GNG12: variants seen among roughly 807,000 people sequenced by gnomAD.
GNG12 encodes the protein guanine nucleotide-binding protein G(I)/G(S)/G(O) subunit gamma-12.
For synonymous variants in GNG12, 28 were observed against 29.7 expected, an observed-to-expected ratio of 0.94 and a Z score of 0.19; for missense variants, 69 against 83.8, an observed-to-expected ratio of 0.82 and a Z score of 0.69.
intron 2 of GNG12, among the ~76,000 whole-genome samples, chr1:67,749,532 C>G (rs1646526546): frequency 6.6e-6 from 1 of 152,158 alleles, no homozygotes; most frequent in Admixed American, 6.5e-5. Flanking sequence ...CAGTGCTTCT[C>G]AAAGCTAAAA....
chr1:67,714,174 A>T (rs1646311689), intron 2 of GNG12, among the ~76,000 whole-genome samples: 1 of 152,162 alleles, frequency 6.6e-6, no homozygotes, highest in Admixed American at 6.5e-5. Context: ...TTTAAAAGGA[A>T]GACTTCTGGA....
chr1:67,759,780 C>T (rs955739055), intron 2 of GNG12, among the ~76,000 whole-genome samples: 13 of 144,436 alleles, frequency 9.0e-5, no homozygotes, highest in East Asian at 7.8e-4. Context: ...TCAGTGAAGG[C>T]CATTTTTCAA....
intron 2 of GNG12, among the ~76,000 whole-genome samples, chr1:67,730,226 GTGGTGAC>G (rs1646410983): frequency 2.0e-5 from 3 of 152,222 alleles, no homozygotes; most frequent in Non-Finnish European, 2.9e-5. Context: ...GAGACTGGGT[GTGGTGAC>G]TTACGCCTGT....
At chr1:67,778,588 C>T (rs886266915) in intron 1 of GNG12, among the ~76,000 whole-genome samples, 7 of 152,094 alleles carry the variant, frequency 4.6e-5, no homozygotes, top group African/African-American at 1.7e-4. Context: ...TCTTGGCATG[C>T]CCCCATCTTA....
intron 1 of GNG12, among the ~76,000 whole-genome samples, chr1:67,821,455 C>T (rs1646984250): frequency 1.3e-5 from 2 of 152,184 alleles, no homozygotes; most frequent in Admixed American, 6.5e-5. Flanking sequence ...GAGGATGCCT[C>T]CCAGCTAAGA....
Position 67,721,340 on chromosome 1 carries a change from C to T in GNG12, c.-26-13628G>A, listed in dbSNP as rs1009969818. Among the ~76,000 whole-genome samples, 5 of 152,304 alleles carry T rather than the reference C, an allele frequency of 3.3e-5. No homozygotes were observed. The East Asian group carries it at 5.8e-4, about 18-fold the overall frequency. The stretch of plus-strand genomic sequence containing the variant: ...AGTCCGCTACAGCTATGGTTCTAAA[C>T]GCGTGGTCACACCAGCCAGCAGCAT... On this transcript the variant is annotated intron_variant, in intron 2 of 3. Coordinates refer to ENST00000370982, the MANE Select transcript of GNG12 (RefSeq NM_018841.6).
intron 2 of GNG12, among the ~76,000 whole-genome samples, chr1:67,746,168 GT>G (rs148918782): frequency 0.012 from 1,762 of 152,232 alleles, 37 homozygotes; most frequent in African/African-American, 0.04. Flanking sequence ...CTATAAAGTT[GT>G]TAAATTAACA....
At chr1:67,737,323 TTAA>T (rs1646457653) in intron 2 of GNG12, among the ~76,000 whole-genome samples, 1 of 152,176 alleles carries the variant, frequency 6.6e-6, no homozygotes, top group South Asian at 2.1e-4. Context: ...AAATAAATCA[TTAA>T]TATAATTCCA....
rs569752365 is a variant in GNG12, at chr1:67,812,549, A to T, written c.-77+20795T>A. Among the ~76,000 whole-genome samples, 7 of 152,244 alleles carry T rather than the reference A, an allele frequency of 4.6e-5. No individual in the cohort carries two copies. In the South Asian group the frequency reaches 1.5e-3, roughly 32 times the overall value. ...CAGAGGAGCTAACTTTCATCTTGAGAGGTAGGAGGGGAGGAGATAAGACTT... is the reference window on the plus strand; with the variant it reads ...CAGAGGAGCTAACTTTCATCTTGAGTGGTAGGAGGGGAGGAGATAAGACTT... On this transcript the variant is annotated intron_variant, in intron 1 of 3. Transcript: ENST00000370982.
chr1:67,761,615 G>A (rs542002003), intron 2 of GNG12, among the ~76,000 whole-genome samples: 1 of 152,280 alleles, frequency 6.6e-6, no homozygotes, highest in East Asian at 1.9e-4. Context: ...AGCCTGCAAG[G>A]TCAAGTGCAG....
At chr1:67,705,706 A>G (rs2100664504) in intron 3 of GNG12, 130 bp from the exon 4 acceptor site, 1 of 1,374,704 alleles carries the variant, frequency 7.3e-7, no homozygotes, top group East Asian at 2.7e-5. Flanking sequence ...TCAAAGCATC[A>G]CTCTCAGATT....
chr1:67,808,578 A>G (rs1254029202), intron 1 of GNG12, among the ~76,000 whole-genome samples: 1 of 152,138 alleles, frequency 6.6e-6, no homozygotes, highest in Non-Finnish European at 1.5e-5. Context: ...AGATTCCTGG[A>G]ACTAGTGAGA....
intron 2 of GNG12, among the ~76,000 whole-genome samples, chr1:67,732,144 T>G (rs911712739): frequency 2.0e-5 from 3 of 152,206 alleles, no homozygotes; most frequent in African/African-American, 7.2e-5. Context: ...TGTTCACTAT[T>G]CTGAATGACA....
intron 1 of GNG12, among the ~76,000 whole-genome samples, chr1:67,817,232 G>A (rs1646958122): frequency 1.3e-5 from 2 of 152,202 alleles, no homozygotes; most frequent in African/African-American, 4.8e-5. Context: ...GTCCAGAGAT[G>A]GGGGAGAGAA....
chr1:67,789,664 A>T lies in GNG12; in HGVS notation c.-76-12157T>A, dbSNP rs902578325. Among the ~76,000 whole-genome samples the T allele has an allele frequency of 5.9e-5, 9 of 152,272 alleles. No individual in the cohort carries two copies. In the South Asian group the frequency reaches 1.9e-3, roughly 32 times the overall value. ...CAGACATATTCAGGTTATGTCTGCT[A>T]CAGAGTCAGGCGGCACAATCGGGCA... is the stretch of plus-strand genomic sequence containing the variant. On this transcript the variant is annotated intron_variant, in intron 1 of 3. Transcript: ENST00000370982.
chr1:67,828,250 A>G (rs771115958), intron 1 of GNG12, among the ~76,000 whole-genome samples: 10 of 152,314 alleles, frequency 6.6e-5, no homozygotes, highest in Non-Finnish European at 1.2e-4. Flanking sequence ...GGCAAGCCTG[A>G]TGGAGAGGCA....
intron 2 of GNG12, among the ~76,000 whole-genome samples, chr1:67,739,873 C>T (rs562914948): frequency 6.6e-6 from 1 of 152,324 alleles, no homozygotes; most frequent in Non-Finnish European, 1.5e-5. Context: ...ATATTTACAA[C>T]TCTGTTTTAA....
At chr1:67,749,412 C>T (rs1235595517) in intron 2 of GNG12, among the ~76,000 whole-genome samples, 5 of 152,124 alleles carry the variant, frequency 3.3e-5, no homozygotes, top group Admixed American at 6.5e-5. Flanking sequence ...ATATGGAGTG[C>T]CTGGAACACA....
At chr1:67,706,872 C>T (rs912500784) in intron 3 of GNG12, among the ~76,000 whole-genome samples, 9 of 152,052 alleles carry the variant, frequency 5.9e-5, no homozygotes, top group Non-Finnish European at 1.2e-4. Context: ...GTTGGTCAGG[C>T]TGGTCTCGAA....
Sources: gnomAD v4.1 joint callset for allele counts (sites outside exome capture counted in the v4.1 genomes callset) on GRCh38, gnomAD v4.1.1 for gene constraint, MANE v1.5 for transcripts, NCBI Gene and HGNC (gene_info 2026-07-23, HGNC 2026-07-21) for gene names.